NRG3: variants seen among roughly 807,000 people sequenced by gnomAD.
NRG3 encodes neuregulin 3.
Under a neutral mutation model 66.9 loss-of-function variants are expected in NRG3, and 31 were observed. That is an observed-to-expected ratio of 0.46 (90% CI 0.35 to 0.63). The LOEUF (loss-of-function observed/expected upper bound fraction) is 0.63. NRG3 is among the 20% of genes least tolerant of loss of function. The pLI is 0.00. For synonymous variants in NRG3, 393 were observed against 359.4 expected, an observed-to-expected ratio of 1.09 and a Z score of -1.06; for missense variants, 910 against 878.9, an observed-to-expected ratio of 1.04 and a Z score of -0.45.
chr10:82,153,516 A>G (rs564320424), intron 1 of NRG3, among the ~76,000 whole-genome samples: 3 of 151,946 alleles, frequency 2.0e-5, no homozygotes, highest in Admixed American at 1.3e-4. Context: ...TAATGCTGAA[A>G]TGAATTATGA....
At chr10:82,189,634 C>A (rs858231) in intron 1 of NRG3, among the ~76,000 whole-genome samples, 51,704 of 151,810 alleles carry the variant, frequency 0.34, 10,865 homozygotes, top group Middle Eastern at 0.5. Flanking sequence ...TACTAAAATA[C>A]AAAAAATTAG....
intron 1 of NRG3, among the ~76,000 whole-genome samples, chr10:82,207,170 G>A (rs532291524): frequency 2.0e-3 from 311 of 152,288 alleles, no homozygotes; most frequent in African/African-American, 7.2e-3. Context: ...CTTGATTATA[G>A]TGCAGTACTA....
intron 2 of NRG3, among the ~76,000 whole-genome samples, chr10:82,645,991 G>A (rs1352407870): frequency 7.2e-5 from 11 of 152,092 alleles, no homozygotes; most frequent in South Asian, 2.1e-4. Context: ...AGGGATTAAC[G>A]TCAGCAGTTT....
At chr10:82,877,964 T>A (rs1036022462) in intron 4 of NRG3, among the ~76,000 whole-genome samples, 3 of 152,170 alleles carry the variant, frequency 2.0e-5, no homozygotes, top group Admixed American at 6.5e-5. Flanking sequence ...GCAACCTTTT[T>A]TGAACTATTT....
chr10:82,013,954 A>G (rs1282969851), intron 1 of NRG3, among the ~76,000 whole-genome samples: 1 of 152,206 alleles, frequency 6.6e-6, no homozygotes, highest in Non-Finnish European at 1.5e-5. Flanking sequence ...GTGCAAGTCA[A>G]TAGTTCTCAG....
intron 3 of NRG3, among the ~76,000 whole-genome samples, chr10:82,741,946 C>T (rs576141036): frequency 6.6e-6 from 1 of 152,134 alleles, no homozygotes; most frequent in South Asian, 2.1e-4. Flanking sequence ...GATTTAAATC[C>T]CTAATGAAAT....
chr10:82,169,162 C>T (rs930118818), intron 1 of NRG3, among the ~76,000 whole-genome samples: 1 of 152,010 alleles, frequency 6.6e-6, no homozygotes, highest in Admixed American at 6.6e-5. Flanking sequence ...TTTATTTCAG[C>T]TTCATATTGG....
intron 2 of NRG3, among the ~76,000 whole-genome samples, chr10:82,716,052 A>G (rs2056954525): frequency 6.6e-6 from 1 of 152,204 alleles, no homozygotes; most frequent in African/African-American, 2.4e-5. Context: ...TTCAACATAT[A>G]AACTTTGGAA....
intron 2 of NRG3, among the ~76,000 whole-genome samples, chr10:82,611,053 A>G (rs1184608490): frequency 1.3e-5 from 2 of 152,002 alleles, no homozygotes; most frequent in Admixed American, 1.3e-4. Flanking sequence ...TGAATATTCT[A>G]CTTTAAATTC....
At chr10:82,043,277 A>C (rs571558280) in intron 1 of NRG3, among the ~76,000 whole-genome samples, 38 of 152,188 alleles carry the variant, frequency 2.5e-4, no homozygotes, top group Admixed American at 9.2e-4. Flanking sequence ...GAAAACAAAT[A>C]AGCAAGTTCA....
intron 1 of NRG3, among the ~76,000 whole-genome samples, chr10:82,003,317 A>G (rs1350015584): frequency 1.3e-5 from 2 of 152,188 alleles, no homozygotes; most frequent in Non-Finnish European, 2.9e-5. Context: ...ATTTAATATG[A>G]GCCTTGATCT....
chr10:82,864,198 T>C (rs2064298521), intron 3 of NRG3, among the ~76,000 whole-genome samples: 1 of 152,180 alleles, frequency 6.6e-6, no homozygotes, highest in African/African-American at 2.4e-5. Context: ...GTTGTGAATG[T>C]ATCAAGTTAA....
rs375304295 is a variant in NRG3, at chr10:82,086,268, G to A, written c.823+210105G>A. 7.9e-5 allele frequency among the ~76,000 whole-genome samples: 12 copies of A among 152,184 alleles called. No individual in the cohort carries two copies. The South Asian group carries it at 2.1e-3, about 26-fold the overall frequency. ...GCTTTTCTTTTTGAACTTCCTCTAC[G>A]AGAGTTTTAAAGTAAGTTATCCATA... On this transcript the variant is annotated intron_variant, in intron 1 of 8. Transcript: ENST00000372141.
At chr10:81,887,231 G>T (rs1288583605) in intron 1 of NRG3, among the ~76,000 whole-genome samples, 1 of 151,976 alleles carries the variant, frequency 6.6e-6, no homozygotes, top group East Asian at 1.9e-4. Context: ...ATTTGCTCAT[G>T]GGAAATAATG....
intron 6 of NRG3, among the ~76,000 whole-genome samples, chr10:82,963,626 G>A (rs938750737): frequency 2.0e-5 from 3 of 152,200 alleles, no homozygotes; most frequent in African/African-American, 7.2e-5. Flanking sequence ...CTTGCAGTGA[G>A]CCGAGATGGC....
At chr10:82,163,243 A>C (rs1483125465) in intron 1 of NRG3, among the ~76,000 whole-genome samples, 1 of 152,164 alleles carries the variant, frequency 6.6e-6, no homozygotes, top group African/African-American at 2.4e-5. Flanking sequence ...TATTTCAAAA[A>C]GTGCCCACAA....
intron 3 of NRG3, among the ~76,000 whole-genome samples, chr10:82,803,551 G>C (rs775896499): frequency 2.0e-5 from 3 of 151,788 alleles, no homozygotes; most frequent in Non-Finnish European, 4.4e-5. Flanking sequence ...ACCTTAAAGA[G>C]TTTCTTTTTC....
chr10:82,577,463 T>C (rs2046095144), intron 2 of NRG3, among the ~76,000 whole-genome samples: 1 of 151,810 alleles, frequency 6.6e-6, no homozygotes. Flanking sequence ...GTCATATATA[T>C]CTAGCAGGAG....
intron 2 of NRG3, among the ~76,000 whole-genome samples, chr10:82,568,780 T>C (rs560622787): frequency 3.4e-4 from 52 of 151,870 alleles, no homozygotes; most frequent in Non-Finnish European, 6.8e-4. Flanking sequence ...CTCCTTGTTG[T>C]CGTTGACACT....
Sources: allele counts gnomAD v4.1 joint callset (sites outside exome capture counted in the v4.1 genomes callset), GRCh38; gene constraint gnomAD v4.1.1; transcripts MANE v1.5; gene names NCBI Gene and HGNC (gene_info 2026-07-23, HGNC 2026-07-21).